Variants in CDC73 observed in about 807,000 individuals in gnomAD.
CDC73 encodes the protein cell division cycle 73.
CDC73 carries 21 observed loss-of-function variants against 83.7 expected under a neutral mutation model. That is an observed-to-expected ratio of 0.25 (90% confidence interval 0.18 to 0.36). The LOEUF is 0.36. Ranked by LOEUF, CDC73 falls within the 10% of genes least tolerant of loss-of-function variation. CDC73 has a pLI of 1.00. For synonymous variants in CDC73, 224 were observed against 212.9 expected, an observed-to-expected ratio of 1.05 and a Z score of -0.45; for missense variants, 342 against 653.3, an observed-to-expected ratio of 0.52 and a Z score of 5.19.
intron 13 of CDC73, among the ~76,000 whole-genome samples, chr1:193,230,771 G>A (rs1182599754): frequency 6.6e-6 from 1 of 152,006 alleles, no homozygotes; most frequent in Non-Finnish European, 1.5e-5. Flanking sequence ...AGGGTGAACA[G>A]GTAAAATTAT....
intron 10 of CDC73, 121 bp downstream of exon 10, chr1:193,152,565 T>A: frequency 1.5e-6 from 1 of 689,494 alleles, no homozygotes; most frequent in Non-Finnish European, 2.6e-6. Flanking sequence ...TATTGATCAC[T>A]TGTGCTGATT....
chr1:193,236,137 A>T, intron 14 of CDC73, 119 bp from the exon 15 acceptor site: 2 of 777,580 alleles, frequency 2.6e-6, no homozygotes, highest in South Asian at 1.4e-5. Context: ...GATTGATAAG[A>T]CTCTTTCACA....
chr1:193,232,507 A>G (rs922474724), intron 13 of CDC73, among the ~76,000 whole-genome samples: 1 of 152,144 alleles, frequency 6.6e-6, no homozygotes, highest in Non-Finnish European at 1.5e-5. Flanking sequence ...CTTGAGTTCT[A>G]TTTGGTATAC....
intron 10 of CDC73, among the ~76,000 whole-genome samples, chr1:193,160,204 A>T (rs893751025): frequency 6.6e-5 from 10 of 152,140 alleles, no homozygotes; most frequent in Non-Finnish European, 1.2e-4. Context: ...TATTCTGCCG[A>T]TGACTATGGA....
intron 13 of CDC73, among the ~76,000 whole-genome samples, chr1:193,231,410 A>G (rs1677661334): frequency 6.6e-6 from 1 of 152,210 alleles, no homozygotes; most frequent in South Asian, 2.1e-4. Flanking sequence ...ACAACTATGT[A>G]TATTATAAAA....
chr1:193,145,535 T>G (rs1414836522), intron 7 of CDC73, among the ~76,000 whole-genome samples: 1 of 152,256 alleles, frequency 6.6e-6, no homozygotes, highest in East Asian at 1.9e-4. Flanking sequence ...TTTTATGCAT[T>G]TTGAAAAGTG....
intron 13 of CDC73, among the ~76,000 whole-genome samples, chr1:193,217,428 A>C (rs975240989): frequency 1.3e-5 from 2 of 151,694 alleles, no homozygotes; most frequent in African/African-American, 2.4e-5. Flanking sequence ...GGTTTTATTG[A>C]GTAGAAGTAG....
At chr1:193,242,754 T>C (rs1485322551) in intron 15 of CDC73, among the ~76,000 whole-genome samples, 2 of 152,202 alleles carry the variant, frequency 1.3e-5, no homozygotes, top group African/African-American at 4.8e-5. Context: ...ATGCGATCAG[T>C]ATATCTAAAT....
rs1307568772 is a variant in CDC73, at chr1:193,250,656, T to C, written c.1560-20T>C. The C allele has an allele frequency of 1.3e-6, 2 of 1,576,026 alleles. No individual in the cohort carries two copies. The highest frequency in any genetic ancestry group is 1.7e-6 in the Non-Finnish European group (2 of 1,146,510). On this transcript the variant is annotated intron_variant, in intron 16 of 16. Coordinates refer to ENST00000367435, the MANE Select transcript of CDC73 (RefSeq NM_024529.5). The stretch of plus-strand genomic sequence containing the variant: ...TAAAATTCCTATAGTCATTATAACC[T>C]ACCATAATATTTTTTTCAGGTACAT...
chr1:193,200,078 AC>A (rs1346377945), intron 10 of CDC73, among the ~76,000 whole-genome samples: 64 of 145,318 alleles, frequency 4.4e-4, no homozygotes, highest in East Asian at 2.4e-3. Context: ...AAAAAAAAAA[AC>A]AAAAAACAAA....
chr1:193,200,170 G>C (rs1413065481), intron 10 of CDC73, among the ~76,000 whole-genome samples: 2 of 152,066 alleles, frequency 1.3e-5, no homozygotes, highest in African/African-American at 2.4e-5. Context: ...GCTGCAGTGA[G>C]CCAAGATTGC....
intron 10 of CDC73, among the ~76,000 whole-genome samples, chr1:193,189,727 T>C (rs1676886324): frequency 6.6e-6 from 1 of 152,224 alleles, no homozygotes; most frequent in Admixed American, 6.5e-5. Flanking sequence ...GGAATTGTAA[T>C]GCCTCCTAAT....
At chr1:193,191,848 A>G (rs1676924195) in intron 10 of CDC73, among the ~76,000 whole-genome samples, 3 of 152,166 alleles carry the variant, frequency 2.0e-5, no homozygotes, top group Admixed American at 6.5e-5. Flanking sequence ...TAAAGTAAAT[A>G]TAAAGGGCAT....
In CDC73 at chr1:193,252,009, A is replaced by G. The variant is rs949310328; in HGVS notation, c.*1297A>G. The G allele has an allele frequency of 8.6e-6, 2 of 231,372 alleles. No homozygotes were observed. Among genetic ancestry groups the G allele is most frequent in the African/African-American group, 2.2e-5 (1 of 45,216 alleles). The allele number at this position is 231,372 out of a possible 1,614,324, so 14.3% of individuals were successfully genotyped here. A position where few individuals can be genotyped will look rare whatever the true frequency, so the allele number is the denominator to read the frequency against. ...TTTTTGGTGAACGTTTAGGCCTTTC[A>G]TAGGTATTAAGCTGACATTATCTAG... is the stretch of plus-strand genomic sequence containing the variant. On this transcript the variant is annotated 3_prime_UTR_variant, in exon 17 of 17. Coordinates refer to ENST00000367435, the MANE Select transcript of CDC73 (RefSeq NM_024529.5).
intron 13 of CDC73, among the ~76,000 whole-genome samples, chr1:193,231,808 C>CT (rs1677667514): frequency 6.6e-6 from 1 of 152,082 alleles, no homozygotes; most frequent in Non-Finnish European, 1.5e-5. Flanking sequence ...TCAGAGAACT[C>CT]TAATTAGTGC....
At chr1:193,224,575 A>G (rs1677532483) in intron 13 of CDC73, among the ~76,000 whole-genome samples, 1 of 152,196 alleles carries the variant, frequency 6.6e-6, no homozygotes, top group Non-Finnish European at 1.5e-5. Context: ...TCACATATAC[A>G]CATATATGAA....
At chr1:193,166,170 TC>T (rs1291465733) in intron 10 of CDC73, among the ~76,000 whole-genome samples, 4 of 151,812 alleles carry the variant, frequency 2.6e-5, no homozygotes, top group African/African-American at 9.7e-5. Flanking sequence ...CATTTTTTTT[TC>T]TTTCTTTCTT....
intron 10 of CDC73, among the ~76,000 whole-genome samples, chr1:193,183,122 G>T (rs1558302345): frequency 6.6e-6 from 1 of 151,732 alleles, no homozygotes; most frequent in African/African-American, 2.4e-5. Flanking sequence ...TAATTGAATA[G>T]TTATAAAGTA....
rs560051442 is a variant in CDC73 at position 193,169,795 on chromosome 1, A to C, written c.972+17351A>C. Among the ~76,000 whole-genome samples the C allele has an allele frequency of 2.6e-5, 4 of 151,862 alleles. No homozygotes were observed. In the South Asian group the frequency reaches 8.3e-4, roughly 32 times the overall value. Reference sequence around the variant, plus strand: ...TTAGTGTGATCCCTTTTGTAATTTTATTTCTTTTTTTTTTAACTTTTAAGT... The same window carrying C: ...TTAGTGTGATCCCTTTTGTAATTTTCTTTCTTTTTTTTTTAACTTTTAAGT... On this transcript the variant is annotated intron_variant, in intron 10 of 16. Transcript: ENST00000367435.
Sources: allele counts gnomAD v4.1 joint callset (sites outside exome capture counted in the v4.1 genomes callset), GRCh38; gene constraint gnomAD v4.1.1; transcripts MANE v1.5; gene names NCBI Gene and HGNC (gene_info 2026-07-23, HGNC 2026-07-21).